EIF4G3: variants seen among roughly 807,000 people sequenced by gnomAD.
The protein encoded by EIF4G3 is eukaryotic translation initiation factor 4 gamma 3, also known as eIF-4-gamma 3.
Under a neutral mutation model 186.4 loss-of-function variants are expected in EIF4G3, and 34 were observed. That is an observed-to-expected ratio of 0.18 (90% CI 0.14 to 0.24). The LOEUF (loss-of-function observed/expected upper bound fraction) is 0.24, where lower values mean the gene tolerates loss of function less well. Among genes scored for constraint, EIF4G3 ranks in the 10% least tolerant of loss-of-function variants. The probability of loss-of-function intolerance (pLI) is 1.00; values close to 1 mark genes in which losing one functional copy is unlikely to be tolerated. For synonymous variants in EIF4G3, 673 were observed against 679.5 expected, an observed-to-expected ratio of 0.99 and a Z score of 0.15; for missense variants, 1,536 against 1,948.5, an observed-to-expected ratio of 0.79 and a Z score of 3.99.
At chr1:21,028,697 T>C (rs1395591991) in intron 4 of EIF4G3, among the ~76,000 whole-genome samples, 1 of 152,238 alleles carries the variant, frequency 6.6e-6, no homozygotes, top group African/African-American at 2.4e-5. Flanking sequence ...GCAGAGCTAC[T>C]CATGATACAT....
At chr1:20,950,256 A>C (rs2096149197) in intron 12 of EIF4G3, 145 bp from the exon 13 acceptor site, 1 of 493,290 alleles carries the variant, frequency 2.0e-6, no homozygotes, top group Non-Finnish European at 3.5e-6. Context: ...TATATAGTCC[A>C]ATTTAATAAA....
intron 2 of EIF4G3, among the ~76,000 whole-genome samples, chr1:21,167,309 C>A (rs1036480329): frequency 9.2e-5 from 14 of 152,126 alleles, no homozygotes; most frequent in Non-Finnish European, 2.1e-4. Flanking sequence ...TCCCTCATCC[C>A]GCATGAATCC....
chr1:20,915,424 G>A (rs1315722479), intron 14 of EIF4G3, among the ~76,000 whole-genome samples: 1 of 149,960 alleles, frequency 6.7e-6, no homozygotes, highest in Non-Finnish European at 1.5e-5. Context: ...AACTACAGGC[G>A]AACATCCCTT....
chr1:21,014,635 C>CA (rs2088302959), intron 4 of EIF4G3, among the ~76,000 whole-genome samples: 2 of 128,168 alleles, frequency 1.6e-5, no homozygotes, highest in Admixed American at 8.4e-5. Context: ...AGACAAACAC[C>CA]TTTTTTTTTT....
At chr1:20,937,328 G>A (rs1167943723) in intron 14 of EIF4G3, among the ~76,000 whole-genome samples, 2 of 152,190 alleles carry the variant, frequency 1.3e-5, no homozygotes, top group African/African-American at 4.8e-5. Flanking sequence ...CTTTGGGATA[G>A]AACTGTAGCT....
intron 11 of EIF4G3, among the ~76,000 whole-genome samples, chr1:20,970,567 C>G (rs1354586854): frequency 6.6e-6 from 1 of 151,966 alleles, no homozygotes; most frequent in African/African-American, 2.4e-5. Flanking sequence ...GAGCCAAGAT[C>G]GCGCCACTGC....
intron 12 of EIF4G3, among the ~76,000 whole-genome samples, chr1:20,961,857 A>T (rs576798119): frequency 1.3e-5 from 2 of 152,234 alleles, no homozygotes; most frequent in African/African-American, 4.8e-5. Flanking sequence ...ATAAAGAAAA[A>T]TATAATTTAA....
intron 2 of EIF4G3, among the ~76,000 whole-genome samples, chr1:21,097,127 G>C (rs2096393257): frequency 6.6e-6 from 1 of 152,192 alleles, no homozygotes; most frequent in South Asian, 2.1e-4. Context: ...AGTCAGAGGA[G>C]ATTCTTCTAA....
chr1:20,815,549 C>T (rs1310631515), intron 34 of EIF4G3, among the ~76,000 whole-genome samples: 2 of 151,932 alleles, frequency 1.3e-5, no homozygotes, highest in Middle Eastern at 3.2e-3. Flanking sequence ...GCCTGGCAAC[C>T]GCCCCGTCTG....
At chr1:21,135,371 T>A (rs2097220504) in intron 2 of EIF4G3, among the ~76,000 whole-genome samples, 1 of 152,154 alleles carries the variant, frequency 6.6e-6, no homozygotes, top group Non-Finnish European at 1.5e-5. Flanking sequence ...TGGTGGCGCA[T>A]GCCTGTGATG....
chr1:21,149,436 C>T (rs1005471344), intron 2 of EIF4G3, among the ~76,000 whole-genome samples: 1 of 152,102 alleles, frequency 6.6e-6, no homozygotes, highest in Non-Finnish European at 1.5e-5. Flanking sequence ...CTTTTCTCTT[C>T]ATCACACTGA....
intron 2 of EIF4G3, among the ~76,000 whole-genome samples, chr1:21,169,153 A>C (rs1211577288): frequency 6.6e-6 from 1 of 150,690 alleles, no homozygotes; most frequent in African/African-American, 2.5e-5. Context: ...GTAAGACCCC[A>C]CCTCTTTAAA....
intron 2 of EIF4G3, among the ~76,000 whole-genome samples, chr1:21,172,188 T>C (rs761581315): frequency 6.9e-6 from 1 of 145,860 alleles, no homozygotes; most frequent in Non-Finnish European, 1.5e-5. Context: ...GGAGCAGCAA[T>C]GGAATTGGAA....
At chr1:20,931,669 A>G (rs543073073) in intron 14 of EIF4G3, among the ~76,000 whole-genome samples, 2 of 152,260 alleles carry the variant, frequency 1.3e-5, no homozygotes, top group South Asian at 4.1e-4. Flanking sequence ...GCTCACTCCT[A>G]TAATCCCAGC....
chr1:21,021,085 G>C (rs2090565791), intron 4 of EIF4G3, among the ~76,000 whole-genome samples: 1 of 152,180 alleles, frequency 6.6e-6, no homozygotes, highest in Non-Finnish European at 1.5e-5. Flanking sequence ...TCAGGTTCAA[G>C]CCATCCTCAT....
intron 4 of EIF4G3, among the ~76,000 whole-genome samples, chr1:21,020,186 T>C (rs898761513): frequency 1.3e-5 from 2 of 152,082 alleles, no homozygotes; most frequent in African/African-American, 4.8e-5. Flanking sequence ...CAGACAACCA[T>C]CAGAAATGAC....
chr1:21,155,802 C>T (rs2097649217), intron 2 of EIF4G3, among the ~76,000 whole-genome samples: 1 of 152,028 alleles, frequency 6.6e-6, no homozygotes, highest in African/African-American at 2.4e-5. Flanking sequence ...CAAACCAAAG[C>T]CCTTTAAGAA....
intron 2 of EIF4G3, among the ~76,000 whole-genome samples, chr1:21,155,692 A>G (rs188099664): frequency 6.6e-6 from 1 of 152,320 alleles, no homozygotes; most frequent in East Asian, 1.9e-4. Context: ...GTGAAACTCC[A>G]TCTAAAAAAT....
intron 13 of EIF4G3, among the ~76,000 whole-genome samples, chr1:20,946,824 G>C (rs1009240922): frequency 2.0e-5 from 3 of 151,946 alleles, no homozygotes; most frequent in African/African-American, 4.8e-5. Flanking sequence ...GAAAGGGGAG[G>C]CTTATGGAAA....
Sources: allele counts gnomAD v4.1 joint callset (sites outside exome capture counted in the v4.1 genomes callset), GRCh38; gene constraint gnomAD v4.1.1; transcripts MANE v1.5; gene names NCBI Gene and HGNC (gene_info 2026-07-23, HGNC 2026-07-21).